The following NT5DC1 variants were observed in gnomAD, a reference collection of about 807,000 sequenced individuals.
NT5DC1 encodes the protein 5'-nucleotidase domain containing 1.
A neutral mutation model predicts 59.4 loss-of-function variants in NT5DC1; 42 were observed. The ratio of observed to expected loss-of-function variants is 0.71; its 90% CI spans 0.55 to 0.92. The LOEUF (loss-of-function observed/expected upper bound fraction) is 0.92, where lower values mean the gene tolerates loss of function less well. NT5DC1 is among the 40% of genes least tolerant of loss of function. The pLI, the probability that NT5DC1 is intolerant of heterozygous loss-of-function variation, is 0.00. For missense variants in NT5DC1, 501 were observed against 537.1 expected (o/e 0.93, Z 0.66); for synonymous variants, 172 against 188.1 (o/e 0.91, Z 0.70).
intron 6 of NT5DC1, chr6:116,137,608 G>A (rs974750958): frequency 4.7e-6 from 1 of 213,804 alleles, no homozygotes; most frequent in Admixed American, 4.1e-5. Flanking sequence ...GGATCCCCGT[G>A]CCTCAGTAGT....
chr6:116,163,443 G>A (rs958263695), intron 6 of NT5DC1, among the ~76,000 whole-genome samples: 3 of 151,790 alleles, frequency 2.0e-5, no homozygotes, highest in African/African-American at 4.8e-5. Context: ...ATGATGTTTC[G>A]TATTTCTGTG....
At chr6:116,165,582 C>G (rs1350682995) in intron 6 of NT5DC1, among the ~76,000 whole-genome samples, 2 of 152,204 alleles carry the variant, frequency 1.3e-5, no homozygotes, top group Non-Finnish European at 2.9e-5. Flanking sequence ...CGAAAAATGC[C>G]TCTCCTACAT....
At chr6:116,201,870 A>G (rs1003927931) in intron 6 of NT5DC1, among the ~76,000 whole-genome samples, 3 of 152,036 alleles carry the variant, frequency 2.0e-5, no homozygotes, top group Non-Finnish European at 2.9e-5. Context: ...TTCTGGACCA[A>G]ATCATGTTTG....
chr6:116,139,732 A>G (rs1779716141), intron 6 of NT5DC1, among the ~76,000 whole-genome samples: 1 of 152,120 alleles, frequency 6.6e-6, no homozygotes, highest in Admixed American at 6.6e-5. Context: ...CATGGGAGTA[A>G]GGAGAGAAAT....
At chr6:116,179,123 T>C (rs905160335) in intron 6 of NT5DC1, among the ~76,000 whole-genome samples, 2 of 152,170 alleles carry the variant, frequency 1.3e-5, no homozygotes, top group African/African-American at 4.8e-5. Flanking sequence ...CTTCAGGAAG[T>C]GTCATTGTAA....
At chr6:116,191,267 G>A (rs1433525274) in intron 6 of NT5DC1, among the ~76,000 whole-genome samples, 1 of 151,992 alleles carries the variant, frequency 6.6e-6, no homozygotes, top group Non-Finnish European at 1.5e-5. Flanking sequence ...AAACTCCAAG[G>A]ACAAGTTGCT....
intron 11 of NT5DC1, among the ~76,000 whole-genome samples, chr6:116,241,086 G>A (rs893225152): frequency 1.3e-5 from 2 of 150,214 alleles, no homozygotes; most frequent in Non-Finnish European, 2.9e-5. Flanking sequence ...AGAGGTTGCA[G>A]TGAGCTGAGA....
At chr6:116,118,352 G>T (rs570017597) in intron 6 of NT5DC1, among the ~76,000 whole-genome samples, 2 of 152,292 alleles carry the variant, frequency 1.3e-5, no homozygotes, top group African/African-American at 4.8e-5. Context: ...AACAAAACTG[G>T]CTGACCCAGA....
At chr6:116,114,059 G>T (rs1458276229) in intron 4 of NT5DC1, among the ~76,000 whole-genome samples, 1 of 152,128 alleles carries the variant, frequency 6.6e-6, no homozygotes, top group Admixed American at 6.5e-5. Flanking sequence ...TTTTTTTCCA[G>T]ATCACTGGTT....
chr6:116,152,209 A>G (rs1780060191), intron 6 of NT5DC1, among the ~76,000 whole-genome samples: 1 of 152,188 alleles, frequency 6.6e-6, no homozygotes, highest in South Asian at 2.1e-4. Context: ...AGAATTTGAA[A>G]TGAGAATATA....
intron 6 of NT5DC1, among the ~76,000 whole-genome samples, chr6:116,203,873 T>C (rs1448635853): frequency 6.6e-6 from 1 of 151,972 alleles, no homozygotes; most frequent in Non-Finnish European, 1.5e-5. Flanking sequence ...GTACTTGATG[T>C]TGTCAGAAAT....
intron 6 of NT5DC1, among the ~76,000 whole-genome samples, chr6:116,176,224 T>G (rs529454481): frequency 6.6e-6 from 1 of 152,280 alleles, no homozygotes; most frequent in Non-Finnish European, 1.5e-5. Context: ...GCTGGCTAAG[T>G]TTTCCTCAGG....
chr6:116,156,546 C>T (rs566985525), intron 6 of NT5DC1, among the ~76,000 whole-genome samples: 2 of 152,082 alleles, frequency 1.3e-5, no homozygotes, highest in Non-Finnish European at 2.9e-5. Context: ...AAGAGGAGAC[C>T]GATTACATGT....
chr6:116,159,305 C>A (rs1413896167), intron 6 of NT5DC1, among the ~76,000 whole-genome samples: 2 of 152,040 alleles, frequency 1.3e-5, no homozygotes, highest in African/African-American at 4.8e-5. Context: ...ACATAACTTT[C>A]TTTTTCCATA....
chr6:116,150,704 G>T (rs1780018128), intron 6 of NT5DC1, among the ~76,000 whole-genome samples: 1 of 152,120 alleles, frequency 6.6e-6, no homozygotes, highest in African/African-American at 2.4e-5. Flanking sequence ...CAGTATTTTT[G>T]TAAGCTAGTT....
intron 6 of NT5DC1, among the ~76,000 whole-genome samples, chr6:116,187,354 T>G (rs565121157): frequency 1.5e-4 from 23 of 152,114 alleles, no homozygotes; most frequent in Admixed American, 9.8e-4. Flanking sequence ...TATAGAAAAC[T>G]GAAGCTCATG....
intron 8 of NT5DC1, among the ~76,000 whole-genome samples, chr6:116,233,977 GTTTTTTTTTT>G (rs34646243): frequency 9.1e-6 from 1 of 109,860 alleles, no homozygotes; most frequent in African/African-American, 3.5e-5. Flanking sequence ...TCTTATAACT[GTTTTTTTTTT>G]TTTTTTTTGA....
intron 6 of NT5DC1, among the ~76,000 whole-genome samples, chr6:116,197,388 T>C (rs1781255527): frequency 6.6e-6 from 1 of 152,042 alleles, no homozygotes. Context: ...GATTATCATC[T>C]TGTCTGATTT....
chr6:116,130,367 A>G (rs1171726209), intron 6 of NT5DC1, among the ~76,000 whole-genome samples: 1 of 152,138 alleles, frequency 6.6e-6, no homozygotes, highest in Non-Finnish European at 1.5e-5. Context: ...ACTATTGTTC[A>G]GAATTTTTTC....
Sources: gnomAD v4.1 joint callset for allele counts (sites outside exome capture counted in the v4.1 genomes callset) on GRCh38, gnomAD v4.1.1 for gene constraint, MANE v1.5 for transcripts, NCBI Gene and HGNC (gene_info 2026-07-23, HGNC 2026-07-21) for gene names.